PRKG1: variants seen among roughly 807,000 people sequenced by gnomAD.
PRKG1 encodes the protein cGMP-dependent protein kinase 1.
In PRKG1, 35 loss-of-function variants were observed where a neutral mutation model predicts 88.1. The observed-to-expected ratio is 0.40, with a 90% confidence interval of 0.30 to 0.53. PRKG1 has a LOEUF of 0.53. Among genes scored for constraint, PRKG1 ranks in the 20% least tolerant of loss-of-function variants. The pLI is 0.59. For missense variants in PRKG1, 540 were observed against 839.8 expected, an observed-to-expected ratio of 0.64 and a Z score of 4.41; for synonymous variants, 303 against 292.5, an observed-to-expected ratio of 1.04 and a Z score of -0.37.
At chr10:51,758,326 A>G (rs1282480526) in intron 3 of PRKG1, among the ~76,000 whole-genome samples, 3 of 152,242 alleles carry the variant, frequency 2.0e-5, no homozygotes, top group Non-Finnish European at 2.9e-5. Context: ...GCAGAAAATA[A>G]GAATAGACAA....
chr10:51,697,607 A>C lies in PRKG1; in HGVS notation c.593-106978A>C, dbSNP rs1043087392. The C allele has an allele frequency of 3.1e-5, 37 of 1,212,324 alleles. 1 individual carries two copies. The highest frequency in any genetic ancestry group is 1.8e-5 in the Non-Finnish European group (15 of 847,732). 75.1% of individuals were successfully genotyped at this position (1,212,324 alleles called of 1,614,324 possible). On this transcript the variant is annotated intron_variant, in intron 3 of 17. Coordinates refer to ENST00000373980, the MANE Select transcript of PRKG1 (RefSeq NM_006258.4). The stretch of plus-strand genomic sequence containing the variant: ...TCTAGGAGGAGGGAAACCCTAATCC[A>C]AGTGTGGGGATACAGAAGTCAGCTT...
chr10:51,704,019 C>T (rs991495795), intron 3 of PRKG1, among the ~76,000 whole-genome samples: 11 of 151,566 alleles, frequency 7.3e-5, no homozygotes, highest in Admixed American at 1.3e-4. Context: ...GTGGTGCATG[C>T]TTCTAATCTC....
intron 5 of PRKG1, among the ~76,000 whole-genome samples, chr10:51,955,579 C>T (rs1843284174): frequency 6.6e-6 from 1 of 152,038 alleles, no homozygotes. Context: ...AAATGTCATT[C>T]GATTTCATTA....
At chr10:52,253,344 A>G (rs755056108) in intron 10 of PRKG1, 7 of 152,018 alleles carry the variant, frequency 4.6e-5, no homozygotes, top group Non-Finnish European at 7.4e-5. Context: ...TTTACTTAAG[A>G]TTTTTGAAAT....
chr10:52,255,223 T>G (rs958327601), intron 10 of PRKG1, among the ~76,000 whole-genome samples: 6 of 152,218 alleles, frequency 3.9e-5, no homozygotes, highest in Admixed American at 3.9e-4. Context: ...GTAATCGTCT[T>G]CATTTACAAA....
At chr10:52,177,683 T>C (rs564504081) in intron 9 of PRKG1, among the ~76,000 whole-genome samples, 21 of 152,192 alleles carry the variant, frequency 1.4e-4, no homozygotes, top group African/African-American at 4.8e-4. Flanking sequence ...TTGTTATTGG[T>C]CTGTTAAAGT....
intron 2 of PRKG1, among the ~76,000 whole-genome samples, chr10:51,162,373 G>C (rs1336357265): frequency 6.6e-6 from 1 of 152,126 alleles, no homozygotes; most frequent in African/African-American, 2.4e-5. Context: ...GCTTTGGAAG[G>C]CTGCAGTTTT....
chr10:51,162,666 C>T (rs1846395104), intron 2 of PRKG1, among the ~76,000 whole-genome samples: 2 of 152,112 alleles, frequency 1.3e-5, no homozygotes, highest in South Asian at 4.1e-4. Flanking sequence ...TCACAAAACA[C>T]CCATAAGTTA....
At chr10:51,265,595 C>T (rs16913168) in intron 2 of PRKG1, among the ~76,000 whole-genome samples, 1,930 of 152,092 alleles carry the variant, frequency 0.013, 35 homozygotes, top group African/African-American at 0.043. Flanking sequence ...CGATGTGACC[C>T]TATGTCTTGT....
intron 3 of PRKG1, among the ~76,000 whole-genome samples, chr10:51,796,578 G>A (rs1839017595): frequency 6.6e-6 from 1 of 152,082 alleles, no homozygotes; most frequent in Non-Finnish European, 1.5e-5. Flanking sequence ...GTTTAGCACA[G>A]AAGGGTCTGG....
chr10:51,268,948 G>C (rs1169845277), intron 2 of PRKG1, among the ~76,000 whole-genome samples: 1 of 152,144 alleles, frequency 6.6e-6, no homozygotes, highest in African/African-American at 2.4e-5. Flanking sequence ...CTTCTGCCAT[G>C]GCTTCAGCCG....
At chr10:52,188,792 A>C (rs1289351224) in intron 9 of PRKG1, among the ~76,000 whole-genome samples, 2 of 152,178 alleles carry the variant, frequency 1.3e-5, no homozygotes, top group Non-Finnish European at 2.9e-5. Context: ...GACAAGGTGC[A>C]CATCTTTCAA....
chr10:51,721,170 T>C (rs1842002377), intron 3 of PRKG1, among the ~76,000 whole-genome samples: 1 of 145,406 alleles, frequency 6.9e-6, no homozygotes, highest in Non-Finnish European at 1.5e-5. Flanking sequence ...CCCATGATTA[T>C]GCCACTGCAC....
intron 2 of PRKG1, among the ~76,000 whole-genome samples, chr10:51,208,655 A>G (rs1838130324): frequency 6.6e-6 from 1 of 152,204 alleles, no homozygotes; most frequent in South Asian, 2.1e-4. Flanking sequence ...CCAAAAAGAA[A>G]TTGATCATGT....
intron 2 of PRKG1, among the ~76,000 whole-genome samples, chr10:51,339,807 C>T (rs889915481): frequency 1.3e-5 from 2 of 151,940 alleles, no homozygotes; most frequent in African/African-American, 4.8e-5. Context: ...TATTATCTTA[C>T]TGTTGATAAT....
At chr10:51,316,059 T>G (rs1361551555) in intron 2 of PRKG1, among the ~76,000 whole-genome samples, 3 of 152,316 alleles carry the variant, frequency 2.0e-5, no homozygotes, top group African/African-American at 7.2e-5. Context: ...CCAGAGCCAT[T>G]ACAATCTGAC....
intron 6 of PRKG1, among the ~76,000 whole-genome samples, chr10:52,056,074 A>C (rs758089605): frequency 1.3e-5 from 2 of 152,168 alleles, no homozygotes; most frequent in African/African-American, 2.4e-5. Context: ...TAGAAGTAGA[A>C]CTCAAGGCTG....
At chr10:51,518,772 A>G (rs1364768517) in intron 3 of PRKG1, among the ~76,000 whole-genome samples, 1 of 152,208 alleles carries the variant, frequency 6.6e-6, no homozygotes, top group African/African-American at 2.4e-5. Flanking sequence ...TTTCTGTGTC[A>G]AAATAAGAAT....
At chr10:51,771,954 T>C (rs992537406) in intron 3 of PRKG1, among the ~76,000 whole-genome samples, 1 of 152,158 alleles carries the variant, frequency 6.6e-6, no homozygotes, top group Admixed American at 6.5e-5. Context: ...AATAAAGCAA[T>C]TAGAAATTCA....
Sources: allele counts gnomAD v4.1 joint callset (sites outside exome capture counted in the v4.1 genomes callset), GRCh38; gene constraint gnomAD v4.1.1; transcripts MANE v1.5; gene names NCBI Gene and HGNC (gene_info 2026-07-23, HGNC 2026-07-21).